Variants in ARL15 observed in about 807,000 individuals in gnomAD.
ARL15 encodes ARF like GTPase 15.
A neutral mutation model predicts 25.2 loss-of-function variants in ARL15; 19 were observed. That is an observed-to-expected ratio of 0.75 (90% CI 0.53 to 1.10). The LOEUF is 1.10. Among genes scored for constraint, ARL15 ranks in the 50% least tolerant of loss-of-function variants. The pLI is 0.00. For missense variants in ARL15, 220 were observed against 246.0 expected, an observed-to-expected ratio of 0.89 and a Z score of 0.71; for synonymous variants, 94 against 86.8, an observed-to-expected ratio of 1.08 and a Z score of -0.46.
chr5:53,977,790 T>A (rs1747988613), intron 4 of ARL15, among the ~76,000 whole-genome samples: 1 of 152,142 alleles, frequency 6.6e-6, no homozygotes, highest in Admixed American at 6.5e-5. Flanking sequence ...AATCTGGTGC[T>A]CTCTATGCAG....
At position 54,240,551 on chromosome 5, in the gene ARL15, AG is replaced by A. The variant is rs547241917; in HGVS notation, c.49-68624del. 1.2e-4 allele frequency among the ~76,000 whole-genome samples: 19 copies of A among 152,272 alleles called. No individual in the cohort carries two copies. The East Asian group carries it at 3.1e-3, about 25-fold the overall frequency. On this transcript the variant is annotated intron_variant, in intron 1 of 4. Coordinates refer to ENST00000504924, the MANE Select transcript of ARL15 (RefSeq NM_019087.3). ...CATACTGTATTGCAAGTGTTCGTTT[AG>A]GAGTTTACCAACACCATTCCCACTC...
At chr5:54,308,358 T>G (rs1360937591) in intron 1 of ARL15, among the ~76,000 whole-genome samples, 1 of 152,220 alleles carries the variant, frequency 6.6e-6, no homozygotes, top group Non-Finnish European at 1.5e-5. Flanking sequence ...GGTTGGTCAC[T>G]GCACTTGTGA....
intron 1 of ARL15, among the ~76,000 whole-genome samples, chr5:54,309,455 G>T (rs1395983073): frequency 6.6e-6 from 1 of 152,236 alleles, no homozygotes; most frequent in Non-Finnish European, 1.5e-5. Flanking sequence ...ATCTCTGCCA[G>T]GCCAATCTGC....
At chr5:54,241,274 A>G (rs1179048883) in intron 1 of ARL15, among the ~76,000 whole-genome samples, 1 of 152,146 alleles carries the variant, frequency 6.6e-6, no homozygotes, top group Non-Finnish European at 1.5e-5. Context: ...AAAACCTAAC[A>G]TCTAAAAAAT....
chr5:54,122,966 C>T (rs1259828271), intron 3 of ARL15, among the ~76,000 whole-genome samples: 1 of 151,972 alleles, frequency 6.6e-6, no homozygotes, highest in African/African-American at 2.4e-5. Context: ...ACAGAGCAGG[C>T]CATTGATATT....
At chr5:54,184,682 T>C (rs1755187191) in intron 1 of ARL15, among the ~76,000 whole-genome samples, 1 of 146,054 alleles carries the variant, frequency 6.8e-6, no homozygotes, top group Non-Finnish European at 1.5e-5. Flanking sequence ...AAAGTGGAAA[T>C]CCTATTCTAT....
chr5:53,961,628 G>A (rs1747376402), intron 4 of ARL15, among the ~76,000 whole-genome samples: 1 of 151,804 alleles, frequency 6.6e-6, no homozygotes, highest in Admixed American at 6.6e-5. Context: ...CCAAATGGTT[G>A]AAGTGAACAT....
intron 4 of ARL15, among the ~76,000 whole-genome samples, chr5:53,993,661 C>T (rs1748577205): frequency 6.6e-6 from 1 of 152,116 alleles, no homozygotes; most frequent in East Asian, 1.9e-4. Flanking sequence ...TCTGTCTGTG[C>T]ACTTTCTTTC....
chr5:54,262,557 A>G (rs1757521353), intron 1 of ARL15, among the ~76,000 whole-genome samples: 1 of 152,052 alleles, frequency 6.6e-6, no homozygotes, highest in African/African-American at 2.4e-5. Flanking sequence ...TTTCTACTTC[A>G]TATTTTATGT....
At chr5:54,295,892 A>G (rs1425986436) in intron 1 of ARL15, among the ~76,000 whole-genome samples, 1 of 152,240 alleles carries the variant, frequency 6.6e-6, no homozygotes, top group African/African-American at 2.4e-5. Context: ...TCTGCTTCTC[A>G]AAAGCAGAAA....
chr5:53,916,520 GGAAAGAAA>G (rs1218010138), intron 4 of ARL15, among the ~76,000 whole-genome samples: 4 of 151,908 alleles, frequency 2.6e-5, no homozygotes, highest in South Asian at 4.2e-4. Flanking sequence ...AAAGTTGGGG[GGAAAGAAA>G]GAAAGAAAAT....
chr5:53,901,930 C>T (rs951382895), intron 4 of ARL15, among the ~76,000 whole-genome samples: 7 of 152,116 alleles, frequency 4.6e-5, no homozygotes, highest in South Asian at 2.1e-4. Flanking sequence ...ACAGAAAACA[C>T]GGTTTTCCCA....
chr5:53,888,836 G>C (rs1744625271), intron 4 of ARL15, among the ~76,000 whole-genome samples: 1 of 152,268 alleles, frequency 6.6e-6, no homozygotes, highest in East Asian at 1.9e-4. Flanking sequence ...TTAGAAGGAG[G>C]TGGGGGCTGC....
chr5:54,273,984 G>T (rs186306468), intron 1 of ARL15, among the ~76,000 whole-genome samples: 1 of 152,272 alleles, frequency 6.6e-6, no homozygotes, highest in African/African-American at 2.4e-5. Context: ...AAAGGAGGCC[G>T]TTAGGTCTTT....
chr5:54,052,053 T>C (rs1750718572), intron 4 of ARL15, among the ~76,000 whole-genome samples: 1 of 152,232 alleles, frequency 6.6e-6, no homozygotes, highest in Admixed American at 6.5e-5. Flanking sequence ...ATATAAGGTA[T>C]GATTCCAATT....
intron 1 of ARL15, among the ~76,000 whole-genome samples, chr5:54,176,504 T>A (rs146910506): frequency 8.5e-4 from 129 of 152,350 alleles, no homozygotes; most frequent in African/African-American, 3.1e-3. Flanking sequence ...GACTATACTG[T>A]ACCAAAGTTC....
chr5:54,058,426 G>C (rs979634998), intron 4 of ARL15, among the ~76,000 whole-genome samples: 2 of 152,076 alleles, frequency 1.3e-5, no homozygotes, highest in Admixed American at 1.3e-4. Context: ...CTTTATACCC[G>C]CCATTGTTCT....
chr5:54,047,006 T>C (rs1260578806), intron 4 of ARL15, among the ~76,000 whole-genome samples: 1 of 152,128 alleles, frequency 6.6e-6, no homozygotes, highest in Non-Finnish European at 1.5e-5. Flanking sequence ...TGCTTCAATC[T>C]CTCAGTAACC....
chr5:53,971,610 TA>T (rs3836823), intron 4 of ARL15, among the ~76,000 whole-genome samples: 94,607 of 150,942 alleles, frequency 0.63, 29,685 homozygotes, highest in Middle Eastern at 0.66. Context: ...ATGAAGTGAT[TA>T]AAAAAAAAAG....
Sources: allele counts gnomAD v4.1 joint callset (sites outside exome capture counted in the v4.1 genomes callset), GRCh38; gene constraint gnomAD v4.1.1; transcripts MANE v1.5; gene names NCBI Gene and HGNC (gene_info 2026-07-23, HGNC 2026-07-21).